The following CATSPERB variants were observed in gnomAD, a reference collection of about 807,000 sequenced individuals.
CATSPERB encodes the protein cation channel sperm-associated auxiliary subunit beta.
CATSPERB carries 93 observed loss-of-function variants against 128.3 expected under a neutral mutation model. The observed-to-expected ratio is 0.72, with a 90% CI of 0.61 to 0.86. CATSPERB has a LOEUF of 0.86. Among genes scored for constraint, CATSPERB ranks in the 40% least tolerant of loss-of-function variants. The pLI is 0.00. For missense variants in CATSPERB, 1,153 were observed against 1,329.5 expected, an observed-to-expected ratio of 0.87 and a Z score of 2.06; for synonymous variants, 381 against 448.8, an observed-to-expected ratio of 0.85 and a Z score of 1.91.
At position 91,621,874 on chromosome 14, in the gene CATSPERB, C is replaced by T. The variant is rs1297879923; in HGVS notation, c.1994G>A (p.Ser665Asn). ...EKTVVLPGYSSFLITSILDNK... is the reference protein window; with the variant it reads ...EKTVVLPGYSNFLITSILDNK... ...ATCTAAAATGCTTGTGATGAGGAAG[C>T]TGCTGTACCCGGGAAGCACTACAGT... The change falls in exon 19 of 27, where the codon AGC becomes AAC. Residue 665 changes from serine (S) to asparagine (N), a missense_variant. Ser to Asn is a conservative substitution (Grantham distance 46). Coordinates refer to ENST00000256343, the MANE Select transcript of CATSPERB (RefSeq NM_024764.4). 2 of 1,613,860 alleles carry T rather than the reference C, an allele frequency of 1.2e-6. No individual in the cohort carries two copies. The highest frequency in any genetic ancestry group is 2.7e-5 in the African/African-American group (2 of 74,928).
intron 26 of CATSPERB, among the ~76,000 whole-genome samples, chr14:91,581,819 T>G (rs756548666): frequency 6.6e-6 from 1 of 152,228 alleles, no homozygotes; most frequent in Non-Finnish European, 1.5e-5. Flanking sequence ...CCCAGGCTTA[T>G]GTTTCCTTTG....
rs1470810797 is a variant in CATSPERB, at chr14:91,641,384, T to C, written c.1433-2134A>G. 2.0e-5 allele frequency among the ~76,000 whole-genome samples: 3 copies of C among 151,596 alleles called. No homozygotes were observed. In the East Asian group the frequency reaches 5.9e-4, roughly 30 times the overall value. ...TATGGTTTTAGGTCTAACGTTTAAA[T>C]CTTTAATCCATCTTGAATTGATTTT... is the stretch of plus-strand genomic sequence containing the variant. On this transcript the variant is annotated intron_variant, in intron 15 of 26. Transcript: ENST00000256343.
At chr14:91,728,238 C>CTGA (rs1473873281) in intron 2 of CATSPERB, among the ~76,000 whole-genome samples, 1 of 152,162 alleles carries the variant, frequency 6.6e-6, no homozygotes, top group Admixed American at 6.5e-5. Flanking sequence ...CCTCAGCCTC[C>CTGA]TGAGTAGCTG....
At chr14:91,649,601 A>C (rs1039305116) in intron 15 of CATSPERB, among the ~76,000 whole-genome samples, 2 of 150,538 alleles carry the variant, frequency 1.3e-5, no homozygotes, top group African/African-American at 4.9e-5. Flanking sequence ...GGTTCAAGCG[A>C]TTCTCCTGCC....
chr14:91,717,388 C>T (rs1317655041), intron 5 of CATSPERB, among the ~76,000 whole-genome samples: 1 of 152,070 alleles, frequency 6.6e-6, no homozygotes, highest in East Asian at 1.9e-4. Context: ...AAAAAAGGGG[C>T]AAATTATGTA....
chr14:91,613,767 G>A (rs1403431132), intron 20 of CATSPERB, among the ~76,000 whole-genome samples: 3 of 152,136 alleles, frequency 2.0e-5, no homozygotes, highest in South Asian at 2.1e-4. Flanking sequence ...GACAAGCACC[G>A]CACTCCTCCA....
chr14:91,592,762 C>T (rs1797840278), intron 22 of CATSPERB, among the ~76,000 whole-genome samples: 1 of 152,160 alleles, frequency 6.6e-6, no homozygotes, highest in Admixed American at 6.6e-5. Flanking sequence ...GAAATTCAAG[C>T]CAGTTGCAGA....
intron 7 of CATSPERB, among the ~76,000 whole-genome samples, chr14:91,694,671 CT>C: frequency 6.6e-6 from 1 of 152,110 alleles, no homozygotes; most frequent in African/African-American, 2.4e-5. Flanking sequence ...CTATGATTTA[CT>C]TTTTTATTTG....
At chr14:91,585,771 T>C (rs1170837703) in intron 26 of CATSPERB, among the ~76,000 whole-genome samples, 2 of 152,240 alleles carry the variant, frequency 1.3e-5, no homozygotes, top group Non-Finnish European at 2.9e-5. Context: ...TGGTGAATAA[T>C]GGTGAGTAAT....
intron 20 of CATSPERB, among the ~76,000 whole-genome samples, chr14:91,613,349 G>C (rs985898919): frequency 6.6e-6 from 1 of 151,960 alleles, no homozygotes; most frequent in Non-Finnish European, 1.5e-5. Context: ...AAAAATTTTA[G>C]AATATGTAAG....
At chr14:91,654,308 G>T (rs894703464) in intron 15 of CATSPERB, among the ~76,000 whole-genome samples, 3 of 152,324 alleles carry the variant, frequency 2.0e-5, no homozygotes, top group African/African-American at 7.2e-5. Context: ...GGCTCCTGGG[G>T]TCTCTGATTC....
rs992762882 is a variant in CATSPERB at position 91,671,482 on chromosome 14, G to A, written c.1128+1385C>T. ...CCCAGCTACTTGGGAGGCTATGGCA[G>A]GAGAATCGCTTGAGCCTGGGAGGCA... On this transcript the variant is annotated intron_variant, in intron 13 of 26. Coordinates refer to ENST00000256343, the MANE Select transcript of CATSPERB (RefSeq NM_024764.4). Among the ~76,000 whole-genome samples the A allele has an allele frequency of 5.3e-5, 8 of 152,040 alleles. No homozygotes were observed. The South Asian group carries it at 1.5e-3, about 28-fold the overall frequency.
intron 24 of CATSPERB, 137 bp downstream of exon 24, chr14:91,589,397 G>T: frequency 2.8e-6 from 2 of 719,108 alleles, no homozygotes; most frequent in Non-Finnish European, 4.3e-6. Context: ...ACAGCAATAT[G>T]CCAACTGATC....
intron 17 of CATSPERB, among the ~76,000 whole-genome samples, chr14:91,632,598 T>C (rs189112629): frequency 2.0e-5 from 3 of 152,268 alleles, no homozygotes; most frequent in Non-Finnish European, 4.4e-5. Context: ...AATTTTAAAA[T>C]GGACAAATCC....
chr14:91,667,624 A>G (rs1446547113), intron 14 of CATSPERB, among the ~76,000 whole-genome samples: 2 of 151,942 alleles, frequency 1.3e-5, no homozygotes, highest in Admixed American at 1.3e-4. Context: ...TCCTAAATAG[A>G]CTCTTTGGCA....
intron 7 of CATSPERB, among the ~76,000 whole-genome samples, chr14:91,693,953 C>T (rs921198861): frequency 6.6e-5 from 10 of 152,086 alleles, no homozygotes; most frequent in African/African-American, 2.4e-4. Context: ...AGATAGGGAA[C>T]CCTTATCTGC....
chr14:91,682,902 A>G (rs1358502776), intron 11 of CATSPERB, among the ~76,000 whole-genome samples: 1 of 152,216 alleles, frequency 6.6e-6, no homozygotes, highest in Non-Finnish European at 1.5e-5. Context: ...GGCTGTAGAT[A>G]TCCTGACTGC....
chr14:91,659,250 A>G (rs745973171), intron 15 of CATSPERB, among the ~76,000 whole-genome samples: 1 of 152,242 alleles, frequency 6.6e-6, no homozygotes, highest in African/African-American at 2.4e-5. Context: ...ACTCTACATT[A>G]TATGTGTCAA....
At position 91,615,111 on chromosome 14, in the gene CATSPERB, C is replaced by A. The variant is rs560409310; in HGVS notation, c.2400+2486G>T. Among the ~76,000 whole-genome samples, 20 of 152,278 alleles carry A rather than the reference C, an allele frequency of 1.3e-4. No homozygotes were observed. In the South Asian group the frequency reaches 2.3e-3, roughly 17 times the overall value. Reference sequence around the variant, plus strand: ...ACCCCAGGGGTCCCCAACCCCCGGGCTGAGGACCAGTACCAGTCTGTGGAC... The same window carrying A: ...ACCCCAGGGGTCCCCAACCCCCGGGATGAGGACCAGTACCAGTCTGTGGAC... On this transcript the variant is annotated intron_variant, in intron 20 of 26. Coordinates refer to ENST00000256343, the MANE Select transcript of CATSPERB (RefSeq NM_024764.4).
Sources: allele counts gnomAD v4.1 joint callset (sites outside exome capture counted in the v4.1 genomes callset), GRCh38; gene constraint gnomAD v4.1.1; transcripts MANE v1.5; gene names NCBI Gene and HGNC (gene_info 2026-07-23, HGNC 2026-07-21).